The following EIF3J variants were observed in gnomAD, a reference collection of about 807,000 sequenced individuals.
EIF3J encodes eukaryotic translation initiation factor 3, subunit 1 (alpha, 35kD).
A neutral mutation model predicts 39.0 loss-of-function variants in EIF3J; 15 were observed. That is an observed-to-expected ratio of 0.38 (90% CI 0.26 to 0.59). The LOEUF is 0.59. Among genes scored for constraint, EIF3J ranks in the 20% least tolerant of loss-of-function variants. EIF3J has a pLI of 0.60. For synonymous variants in EIF3J, 98 were observed against 112.9 expected (o/e 0.87, Z 0.84); for missense variants, 226 against 308.6 (o/e 0.73, Z 2.00).
intron 2 of EIF3J, among the ~76,000 whole-genome samples, chr15:44,545,647 T>TG (rs1158123056): frequency 1.3e-5 from 2 of 152,346 alleles, no homozygotes; most frequent in East Asian, 3.8e-4. Context: ...ATGTATACAT[T>TG]GTAATTACCA....
At chr15:44,554,514 T>C (rs1040524878) in intron 4 of EIF3J, 39 bp from the exon 5 acceptor site, 7 of 1,358,206 alleles carry the variant, frequency 5.2e-6, no homozygotes, top group Non-Finnish European at 7.3e-6. Flanking sequence ...GAGTGCATCA[T>C]AATCCCTGTG....
intron 2 of EIF3J, among the ~76,000 whole-genome samples, chr15:44,547,743 G>A (rs554403355): frequency 3.9e-5 from 6 of 151,910 alleles, no homozygotes; most frequent in African/African-American, 7.3e-5. Flanking sequence ...CCACGCACCC[G>A]GCCTGACTCC....
At chr15:44,545,060 G>T (rs2082043012) in intron 2 of EIF3J, among the ~76,000 whole-genome samples, 1 of 151,846 alleles carries the variant, frequency 6.6e-6, no homozygotes, top group African/African-American at 2.4e-5. Context: ...TGAGAAGTTT[G>T]GTAACCAGTA....
intron 5 of EIF3J, among the ~76,000 whole-genome samples, chr15:44,555,398 C>T (rs994673205): frequency 6.6e-6 from 1 of 152,162 alleles, no homozygotes; most frequent in African/African-American, 2.4e-5. Context: ...TCTGATACCC[C>T]TCCCCCACTT....
In EIF3J at chr15:44,541,833, G is replaced by C. The variant is rs2082016877; in HGVS notation, c.147+4406G>C. On this transcript the variant is annotated intron_variant, in intron 2 of 7. Coordinates refer to ENST00000261868, the MANE Select transcript of EIF3J (RefSeq NM_003758.4). ...ACCAGTGACCAGTCTTGTCTCCTCTGTATCCCCACTTTCCTCCTCCAACCA... is the reference window on the plus strand; with the variant it reads ...ACCAGTGACCAGTCTTGTCTCCTCTCTATCCCCACTTTCCTCCTCCAACCA... 2.6e-5 allele frequency among the ~76,000 whole-genome samples: 4 copies of C among 152,286 alleles called. No individual in the cohort carries two copies. The South Asian group carries it at 8.3e-4, about 32-fold the overall frequency.
At chr15:44,540,810 C>T (rs2082009058) in intron 2 of EIF3J, among the ~76,000 whole-genome samples, 1 of 152,158 alleles carries the variant, frequency 6.6e-6, no homozygotes, top group Non-Finnish European at 1.5e-5. Context: ...GGCTTAGTTT[C>T]CGTGAGGTCT....
intron 4 of EIF3J, among the ~76,000 whole-genome samples, chr15:44,553,544 T>C (rs1372597871): frequency 1.3e-5 from 2 of 151,864 alleles, no homozygotes; most frequent in Non-Finnish European, 2.9e-5. Context: ...AAGATAGATA[T>C]ACACTAAGCT....
chr15:44,537,468 T>C, intron 2 of EIF3J, 41 bp downstream of exon 2: 3 of 1,462,332 alleles, frequency 2.1e-6, no homozygotes, highest in Non-Finnish European at 1.8e-6. Context: ...GGAAGCGGGC[T>C]GGCGCTGTTG....
At chr15:44,550,019 G>A (rs1292652926) in intron 2 of EIF3J, among the ~76,000 whole-genome samples, 2 of 151,942 alleles carry the variant, frequency 1.3e-5, no homozygotes. Flanking sequence ...GCAATTCATG[G>A]GGAAACAATA....
rs1198121953 is a variant in EIF3J, at chr15:44,562,125, T to C, written c.*976T>C. 1 of 152,598 alleles carries C rather than the reference T, an allele frequency of 6.6e-6. No homozygotes were observed. The highest frequency in any genetic ancestry group is 1.5e-5 in the Non-Finnish European group (1 of 68,034). 9.5% of individuals were successfully genotyped at this position (152,598 alleles called of 1,614,324 possible). ...CCTCCCAAGAGATACTTTTTGAGAG[T>C]ATAGAACACAGCTCTTGGGAGTACA... On this transcript the variant is annotated 3_prime_UTR_variant, in exon 8 of 8. Transcript: ENST00000261868.
At chr15:44,542,749 C>T (rs2082023260) in intron 2 of EIF3J, among the ~76,000 whole-genome samples, 1 of 152,150 alleles carries the variant, frequency 6.6e-6, no homozygotes, top group Admixed American at 6.6e-5. Context: ...ATCTGCAGGG[C>T]AAGAGTATAG....
chr15:44,561,209 C>T lies in EIF3J; in HGVS notation c.*60C>T. On this transcript the variant is annotated 3_prime_UTR_variant, in exon 8 of 8. Coordinates refer to ENST00000261868, the MANE Select transcript of EIF3J (RefSeq NM_003758.4). The stretch of plus-strand genomic sequence containing the variant: ...CCCACAATCCCTTGAACATGTAGCA[C>T]AACTTCCTTTCCTTTCAGTTCTGCC... The T allele has an allele frequency of 6.5e-7, 1 of 1,550,044 alleles. No homozygotes were observed. The highest frequency in any genetic ancestry group is 1.2e-5 in the South Asian group (1 of 85,530).
intron 6 of EIF3J, chr15:44,558,065 A>C (rs975103437): frequency 2.6e-5 from 4 of 152,476 alleles, no homozygotes; most frequent in African/African-American, 9.7e-5. Flanking sequence ...ACAGGGTGCA[A>C]GTTGAGTGAC....
At chr15:44,538,834 A>G (rs2081983624) in intron 2 of EIF3J, among the ~76,000 whole-genome samples, 1 of 152,118 alleles carries the variant, frequency 6.6e-6, no homozygotes, top group Non-Finnish European at 1.5e-5. Flanking sequence ...TTTTCCATGC[A>G]TATAGGAAGT....
At chr15:44,537,263 C>G (rs1314161710) in intron 1 of EIF3J, 26 bp downstream of exon 1, 1 of 1,573,614 alleles carries the variant, frequency 6.4e-7, no homozygotes, top group South Asian at 1.1e-5. Flanking sequence ...TGGGGCAGGG[C>G]CCGGGCCGGC....
At chr15:44,539,493 C>T (rs1322409340) in intron 2 of EIF3J, among the ~76,000 whole-genome samples, 2 of 151,692 alleles carry the variant, frequency 1.3e-5, no homozygotes, top group Non-Finnish European at 2.9e-5. Flanking sequence ...CTGCAAGCTC[C>T]GCCTCCCAGG....
At chr15:44,557,363 C>G (rs538068680) in intron 5 of EIF3J, 126 bp from the exon 6 acceptor site, 5 of 615,328 alleles carry the variant, frequency 8.1e-6, no homozygotes, top group Non-Finnish European at 1.2e-5. Context: ...TCCAGTGGCT[C>G]CAGGTTCAGA....
intron 5 of EIF3J, among the ~76,000 whole-genome samples, chr15:44,556,466 C>T (rs1367080364): frequency 2.6e-5 from 4 of 152,112 alleles, no homozygotes; most frequent in East Asian, 1.9e-4. Flanking sequence ...CTCAGCCTCC[C>T]GGGTAGCGAG....
chr15:44,550,770 C>T, intron 2 of EIF3J, 106 bp from the exon 3 acceptor site: 1 of 813,426 alleles, frequency 1.2e-6, no homozygotes, highest in Non-Finnish European at 2.0e-6. Flanking sequence ...TAATGCAGTA[C>T]AAAAAAATAC....
Sources: gnomAD v4.1 joint callset for allele counts (sites outside exome capture counted in the v4.1 genomes callset) on GRCh38, gnomAD v4.1.1 for gene constraint, MANE v1.5 for transcripts, NCBI Gene and HGNC (gene_info 2026-07-23, HGNC 2026-07-21) for gene names.